The following CDK14 variants were observed in gnomAD, a reference collection of about 807,000 sequenced individuals.
The protein encoded by CDK14 is cyclin-dependent kinase 14.
CDK14 carries 34 observed loss-of-function variants against 60.7 expected under a neutral mutation model. The ratio of observed to expected loss-of-function variants is 0.56; its 90% CI spans 0.43 to 0.75. The LOEUF (loss-of-function observed/expected upper bound fraction) is 0.75. CDK14 is among the 30% of genes least tolerant of loss of function. The pLI, the probability that CDK14 is intolerant of heterozygous loss-of-function variation, is 0.00. For synonymous variants in CDK14, 197 were observed against 203.7 expected (o/e 0.97, Z 0.28); for missense variants, 482 against 564.1 (o/e 0.85, Z 1.47).
At chr7:91,108,579 A>G (rs917560640) in intron 12 of CDK14, among the ~76,000 whole-genome samples, 87 of 152,324 alleles carry the variant, frequency 5.7e-4, no homozygotes, top group African/African-American at 2.0e-3. Context: ...AGTCATTTCA[A>G]ACATTAATAG....
chr7:90,877,961 G>A (rs1035641183), intron 6 of CDK14, among the ~76,000 whole-genome samples: 1 of 152,186 alleles, frequency 6.6e-6, no homozygotes, highest in South Asian at 2.1e-4. Context: ...CAGTCTCCAT[G>A]AGAGCAGGGA....
intron 2 of CDK14, chr7:90,632,394 C>A: frequency 3.7e-6 from 1 of 273,858 alleles, no homozygotes. Flanking sequence ...GTGCCCTCTT[C>A]TTTTTTGGAG....
intron 14 of CDK14, among the ~76,000 whole-genome samples, chr7:91,179,577 C>T (rs1028730003): frequency 2.0e-5 from 3 of 151,286 alleles, no homozygotes; most frequent in Admixed American, 6.6e-5. Flanking sequence ...CCGAGGTGGG[C>T]GGATCACGAG....
At chr7:91,012,827 G>A (rs1432522309) in intron 10 of CDK14, among the ~76,000 whole-genome samples, 1 of 152,148 alleles carries the variant, frequency 6.6e-6, no homozygotes, top group Non-Finnish European at 1.5e-5. Context: ...AAGATAGAGA[G>A]TCATTTACAT....
chr7:90,806,036 A>G lies in CDK14; in HGVS notation c.544+15384A>G, dbSNP rs556241620. On this transcript the variant is annotated intron_variant, in intron 5 of 14. Coordinates refer to ENST00000380050, the MANE Select transcript of CDK14 (RefSeq NM_001287135.2). ...TTTTAATAAGTTGCAAGGCAATTCA[A>G]TGGAGAAATAACTTTTTCAATAAAT... Among the ~76,000 whole-genome samples the G allele has an allele frequency of 2.4e-4, 36 of 152,312 alleles. No individual in the cohort carries two copies. In the South Asian group the frequency reaches 3.1e-3, roughly 13 times the overall value.
At chr7:90,926,749 GCA>G (rs1346607831) in intron 8 of CDK14, among the ~76,000 whole-genome samples, 1 of 152,264 alleles carries the variant, frequency 6.6e-6, no homozygotes, top group East Asian at 1.9e-4. Context: ...CTACGCAGTA[GCA>G]CAGACCCCTT....
At chr7:90,645,586 G>T (rs190943513) in intron 2 of CDK14, among the ~76,000 whole-genome samples, 2 of 151,710 alleles carry the variant, frequency 1.3e-5, no homozygotes, top group African/African-American at 4.8e-5. Flanking sequence ...AAAAATCCTG[G>T]GTATTTTCCT....
At chr7:90,828,825 C>T (rs753443549) in intron 5 of CDK14, among the ~76,000 whole-genome samples, 20 of 152,108 alleles carry the variant, frequency 1.3e-4, no homozygotes, top group African/African-American at 3.6e-4. Context: ...TGTGGCAGAG[C>T]GAGTTTCAAA....
At chr7:91,132,191 T>G (rs983567123) in intron 14 of CDK14, among the ~76,000 whole-genome samples, 6 of 151,868 alleles carry the variant, frequency 4.0e-5, no homozygotes, top group African/African-American at 1.5e-4. Context: ...ATAAGGGAAA[T>G]ATTAATTTTG....
At chr7:90,791,416 A>C (rs1416337417) in intron 5 of CDK14, among the ~76,000 whole-genome samples, 1 of 152,082 alleles carries the variant, frequency 6.6e-6, no homozygotes, top group East Asian at 1.9e-4. Flanking sequence ...ATAAGACTTC[A>C]GTTTATTTTT....
At chr7:91,041,776 A>T (rs183151416) in intron 10 of CDK14, among the ~76,000 whole-genome samples, 1 of 152,314 alleles carries the variant, frequency 6.6e-6, no homozygotes, top group African/African-American at 2.4e-5. Context: ...GTCTCCTTGA[A>T]TTCAGCGTCT....
At chr7:90,706,786 A>G (rs1000513706) in intron 2 of CDK14, among the ~76,000 whole-genome samples, 3 of 152,170 alleles carry the variant, frequency 2.0e-5, no homozygotes, top group Admixed American at 1.3e-4. Flanking sequence ...CCATAGTTGG[A>G]TGAGTGTTGT....
chr7:90,765,582 T>C (rs1804520521), intron 4 of CDK14, among the ~76,000 whole-genome samples: 1 of 146,672 alleles, frequency 6.8e-6, no homozygotes, highest in Non-Finnish European at 1.5e-5. Flanking sequence ...AGTAATTTAT[T>C]ACATTTTACA....
rs141456941 is a variant in CDK14, at chr7:90,835,411, A to G, written c.545-27764A>G. Reference sequence around the variant, plus strand: ...AAGAGAGGAAGACTAGCCAGAGAGAACAGATAATTGCTGGAAGGAAGGGGA... The same window carrying G: ...AAGAGAGGAAGACTAGCCAGAGAGAGCAGATAATTGCTGGAAGGAAGGGGA... On this transcript the variant is annotated intron_variant, in intron 5 of 14. Transcript: ENST00000380050. Among the ~76,000 whole-genome samples the G allele has an allele frequency of 8.5e-5, 13 of 152,248 alleles. No individual in the cohort carries two copies. In the East Asian group the frequency reaches 2.5e-3, roughly 29 times the overall value.
chr7:91,118,935 C>T (rs377152394), intron 14 of CDK14, among the ~76,000 whole-genome samples: 2 of 152,190 alleles, frequency 1.3e-5, no homozygotes, highest in South Asian at 2.1e-4. Context: ...ACGTGTGCTA[C>T]GTAGTGACCA....
At chr7:90,843,489 A>T (rs1485208465) in intron 5 of CDK14, among the ~76,000 whole-genome samples, 2 of 152,210 alleles carry the variant, frequency 1.3e-5, no homozygotes, top group South Asian at 4.1e-4. Flanking sequence ...ATATTAGTAA[A>T]GCTCTAGATT....
At chr7:90,793,906 TAA>T in intron 5 of CDK14, among the ~76,000 whole-genome samples, 1 of 152,278 alleles carries the variant, frequency 6.6e-6, no homozygotes, top group East Asian at 1.9e-4. Context: ...GCCCTTTCAA[TAA>T]AAGTTTGTCA....
intron 11 of CDK14, among the ~76,000 whole-genome samples, chr7:91,054,897 G>T (rs1797506837): frequency 6.6e-6 from 1 of 152,160 alleles, no homozygotes; most frequent in Non-Finnish European, 1.5e-5. Flanking sequence ...GATTTTACTT[G>T]AAGTGTGAGT....
chr7:90,669,359 GT>G (rs1801053508), intron 2 of CDK14, among the ~76,000 whole-genome samples: 1 of 152,200 alleles, frequency 6.6e-6, no homozygotes, highest in African/African-American at 2.4e-5. Context: ...CCTACCCACA[GT>G]TTAGTCTACA....
Sources: gnomAD v4.1 joint callset for allele counts (sites outside exome capture counted in the v4.1 genomes callset) on GRCh38, gnomAD v4.1.1 for gene constraint, MANE v1.5 for transcripts, NCBI Gene and HGNC (gene_info 2026-07-23, HGNC 2026-07-21) for gene names.